Variants in IQUB observed in about 807,000 individuals in gnomAD.
IQUB encodes the protein IQ motif and ubiquitin domain containing.
IQUB carries 86 observed loss-of-function variants against 86.4 expected under a neutral mutation model. The ratio of observed to expected loss-of-function variants is 1.00; its 90% CI spans 0.84 to 1.19. The LOEUF is 1.19. Ranked by LOEUF, IQUB falls within the 50% of genes most tolerant of loss-of-function variation. IQUB has a pLI of 0.00. For synonymous variants in IQUB, 289 were observed against 304.5 expected, an observed-to-expected ratio of 0.95 and a Z score of 0.53; for missense variants, 946 against 916.9, an observed-to-expected ratio of 1.03 and a Z score of -0.41.
intron 1 of IQUB, chr7:123,532,483 T>G (rs902092412): frequency 1.5e-4 from 23 of 152,142 alleles, no homozygotes; most frequent in African/African-American, 2.4e-4. Flanking sequence ...GTTATCTCCA[T>G]CCATCCTCCC....
At chr7:123,459,431 G>A (rs1793881252) in intron 11 of IQUB, among the ~76,000 whole-genome samples, 1 of 151,920 alleles carries the variant, frequency 6.6e-6, no homozygotes. Context: ...ATCAGTTGAA[G>A]GCCTGAATAG....
At chr7:123,515,122 C>CA (rs1031073434) in intron 1 of IQUB, among the ~76,000 whole-genome samples, 1 of 151,980 alleles carries the variant, frequency 6.6e-6, no homozygotes, top group African/African-American at 2.4e-5. Context: ...AAACAAAAAA[C>CA]AAAAAACACA....
intron 8 of IQUB, among the ~76,000 whole-genome samples, chr7:123,476,192 T>C (rs899842898): frequency 2.5e-4 from 38 of 152,162 alleles, no homozygotes; most frequent in African/African-American, 9.2e-4. Flanking sequence ...GTAGGTACAA[T>C]AAAGATTGCA....
At chr7:123,468,366 G>C (rs1438257106) in intron 9 of IQUB, among the ~76,000 whole-genome samples, 1 of 152,190 alleles carries the variant, frequency 6.6e-6, no homozygotes, top group Non-Finnish European at 1.5e-5. Context: ...AAATCCAGAG[G>C]AGCTAATCCT....
chr7:123,508,964 T>A (rs942857003), intron 3 of IQUB, among the ~76,000 whole-genome samples: 3 of 152,234 alleles, frequency 2.0e-5, no homozygotes, highest in Non-Finnish European at 2.9e-5. Context: ...ATGGTCATAA[T>A]CATTATTACT....
chr7:123,474,882 TAGAACTCCA>T (rs1396149508), intron 8 of IQUB, among the ~76,000 whole-genome samples: 1 of 152,206 alleles, frequency 6.6e-6, no homozygotes, highest in Non-Finnish European at 1.5e-5. Context: ...ACTGTGGGTT[TAGAACTCCA>T]ATTCTAAAAC....
In IQUB at chr7:123,461,391, T is replaced by C. The variant is rs936012627; in HGVS notation, c.1973A>G (p.Tyr658Cys). The change falls in exon 11 of 13, where the codon TAT (tyrosine) becomes TGT (cysteine). Residue 658 changes from tyrosine (Y) to cysteine (C), a missense_variant. Coordinates refer to ENST00000324698, the MANE Select transcript of IQUB (RefSeq NM_178827.5). ...LQQLYYTEAD[Y>C]EDDSKIAFLM... Reference sequence around the variant, plus strand: ...GAAAGCAATTTTAGAATCATCTTCATAATCAGCTTCTGTATAGTAGAGCTG... The same window carrying C: ...GAAAGCAATTTTAGAATCATCTTCACAATCAGCTTCTGTATAGTAGAGCTG... 8 of 1,608,978 alleles carry C rather than the reference T, an allele frequency of 5.0e-6. No homozygotes were observed. The South Asian group carries it at 6.6e-5, about 13-fold the overall frequency.
At chr7:123,528,052 T>C (rs1237790871) in intron 1 of IQUB, among the ~76,000 whole-genome samples, 5 of 152,236 alleles carry the variant, frequency 3.3e-5, no homozygotes, top group Admixed American at 3.3e-4. Flanking sequence ...AAAAGCGCAG[T>C]ATTCGGGTGG....
At chr7:123,470,361 T>G (rs529242654) in intron 8 of IQUB, among the ~76,000 whole-genome samples, 1 of 152,314 alleles carries the variant, frequency 6.6e-6, no homozygotes, top group African/African-American at 2.4e-5. Context: ...TGACAATTCT[T>G]CAAAAACATG....
chr7:123,455,032 T>C (rs1332660714), intron 12 of IQUB, among the ~76,000 whole-genome samples: 3 of 152,142 alleles, frequency 2.0e-5, no homozygotes, highest in Non-Finnish European at 4.4e-5. Context: ...GTGGAGAGTA[T>C]CTACATAAAT....
At position 123,496,808 on chromosome 7, in the gene IQUB, C is replaced by G; in HGVS notation, c.1122G>C (p.Gln374His). ...QKSLRLEWET[Q>H]QELRKIREKE... ...TTTCTCTTATCTTCCTTAGTTCTTGCTGTGTTTCCCATTCCAGTCTTAAGC... is the reference window on the plus strand; with the variant it reads ...TTTCTCTTATCTTCCTTAGTTCTTGGTGTGTTTCCCATTCCAGTCTTAAGC... Residue 374 changes from glutamine to histidine, a missense_variant, in exon 7 of 13, where the codon CAG becomes CAC. By Grantham distance (24) the Gln-to-His change is conservative. Transcript: ENST00000324698. The G allele has an allele frequency of 1.2e-6, 2 of 1,612,242 alleles. No individual in the cohort carries two copies. The highest frequency in any genetic ancestry group is 1.7e-6 in the Non-Finnish European group (2 of 1,178,860).
Position 123,502,983 on chromosome 7 carries a change from C to A in IQUB, c.828G>T (p.Arg276Ser), listed in dbSNP as rs1162547970. 5 of 1,612,318 alleles carry A rather than the reference C, an allele frequency of 3.1e-6. No homozygotes were observed. In the South Asian group the frequency reaches 3.3e-5, roughly 11 times the overall value. ...HNAGTQTVPK[R>S]IPERLSIFCR... ...AAAATATACTGAGTCTTTCGGGAATCCTTTTAGGTACAGTTTGTGTTCCAG... is the reference window on the plus strand; with the variant it reads ...AAAATATACTGAGTCTTTCGGGAATACTTTTAGGTACAGTTTGTGTTCCAG... Residue 276 changes from arginine to serine, a missense_variant, in exon 5 of 13, where the codon AGG becomes AGT. Transcript: ENST00000324698.
intron 1 of IQUB, among the ~76,000 whole-genome samples, chr7:123,522,141 G>C (rs185884828): frequency 6.6e-6 from 1 of 152,176 alleles, no homozygotes; most frequent in East Asian, 1.9e-4. Flanking sequence ...CCGAGAAACT[G>C]CAACAGCTGA....
chr7:123,452,545 C>A lies in IQUB; in HGVS notation c.*198G>T. On this transcript the variant is annotated 3_prime_UTR_variant, in exon 13 of 13. Coordinates refer to ENST00000324698, the MANE Select transcript of IQUB (RefSeq NM_178827.5). ...TAATTTCAGTAACAAAATTGCATTT[C>A]AATTTAGCACCAACTTCCTAACAAA... 1 of 376,924 alleles carries A rather than the reference C, an allele frequency of 2.7e-6. No individual in the cohort carries two copies. Among genetic ancestry groups the A allele is most frequent in the Non-Finnish European group, 4.7e-6 (1 of 212,934 alleles). The allele number at this position is 376,924 out of a possible 1,614,324, so 23.3% of individuals were successfully genotyped here.
Position 123,530,393 on chromosome 7 carries a change from G to A in IQUB, c.-5+4099C>T, listed in dbSNP as rs1446756434. ...GGAGGTTGCAGTGAGCTGAGATAGC[G>A]CCACTGCACTCCAGCCTGGCGACAG... On this transcript the variant is annotated intron_variant, in intron 1 of 12. Transcript: ENST00000324698. Among the ~76,000 whole-genome samples, 58 of 147,616 alleles carry A rather than the reference G, an allele frequency of 3.9e-4. 1 individual carries two copies. Among genetic ancestry groups the A allele is most frequent in the African/African-American group, 1.4e-3 (56 of 40,042 alleles).
chr7:123,528,661 GAA>G (rs2117383525), intron 1 of IQUB, among the ~76,000 whole-genome samples: 1 of 152,288 alleles, frequency 6.6e-6, no homozygotes, highest in South Asian at 2.1e-4. Context: ...CCCTGCAGAT[GAA>G]AAAGCTAAGA....
At chr7:123,490,449 G>C (rs940569035) in intron 7 of IQUB, among the ~76,000 whole-genome samples, 2 of 152,118 alleles carry the variant, frequency 1.3e-5, no homozygotes, top group Non-Finnish European at 2.9e-5. Context: ...ATTACAGTCT[G>C]AGATTTCAAT....
Position 123,457,569 on chromosome 7 carries a change from G to C in IQUB, c.2008-3C>G. On this transcript the variant is annotated splice_polypyrimidine_tract_variant and splice_region_variant and intron_variant, in intron 11 of 12. Transcript: ENST00000324698. Reference sequence around the variant, plus strand: ...GTCAGGTACTGAATGTCTTGTAGCTGCATGTCAAAGCAAGTTTTAAAAACA... The same window carrying C: ...GTCAGGTACTGAATGTCTTGTAGCTCCATGTCAAAGCAAGTTTTAAAAACA... The C allele has an allele frequency of 1.9e-6, 3 of 1,591,374 alleles. No individual in the cohort carries two copies. In the South Asian group the frequency reaches 3.5e-5, roughly 18 times the overall value.
intron 8 of IQUB, among the ~76,000 whole-genome samples, chr7:123,475,611 T>C (rs1794714494): frequency 6.6e-6 from 1 of 152,142 alleles, no homozygotes; most frequent in African/African-American, 2.4e-5. Context: ...AGATATTGTG[T>C]AAGTATATAC....
Sources: allele counts gnomAD v4.1 joint callset (sites outside exome capture counted in the v4.1 genomes callset), GRCh38; gene constraint gnomAD v4.1.1; transcripts MANE v1.5; gene names NCBI Gene and HGNC (gene_info 2026-07-23, HGNC 2026-07-21).